PPFIA2: variants seen among roughly 807,000 people sequenced by gnomAD.
PPFIA2 encodes PPFI scaffold protein A2.
In PPFIA2, 46 loss-of-function variants were observed where a neutral mutation model predicts 175.5. The ratio of observed to expected loss-of-function variants is 0.26; its 90% CI spans 0.21 to 0.34. The LOEUF is 0.34. Ranked by LOEUF, PPFIA2 falls within the 10% of genes least tolerant of loss-of-function variation. PPFIA2 has a pLI of 1.00. For synonymous variants in PPFIA2, 568 were observed against 511.4 expected, an observed-to-expected ratio of 1.11 and a Z score of -1.49; for missense variants, 1,179 against 1,506.1, an observed-to-expected ratio of 0.78 and a Z score of 3.60.
At chr12:81,463,720 T>C (rs1369219171) in intron 4 of PPFIA2, among the ~76,000 whole-genome samples, 1 of 152,116 alleles carries the variant, frequency 6.6e-6, no homozygotes, top group Non-Finnish European at 1.5e-5. Flanking sequence ...CTGCTCTTGA[T>C]ATGTTTACAT....
intron 3 of PPFIA2, among the ~76,000 whole-genome samples, chr12:81,730,315 ATC>A (rs2153638983): frequency 6.6e-6 from 1 of 151,766 alleles, no homozygotes; most frequent in East Asian, 1.9e-4. Context: ...AAATATCTGA[ATC>A]TGGGTAATTT....
chr12:81,435,876 T>G (rs2048894769), intron 7 of PPFIA2, among the ~76,000 whole-genome samples: 1 of 152,064 alleles, frequency 6.6e-6, no homozygotes, highest in South Asian at 2.1e-4. Context: ...ACCAAGCAGA[T>G]TATCATAATA....
chr12:81,435,072 T>C (rs868226593), intron 7 of PPFIA2, among the ~76,000 whole-genome samples: 22 of 152,140 alleles, frequency 1.4e-4, no homozygotes, highest in African/African-American at 5.3e-4. Flanking sequence ...CATATAGTAG[T>C]TTTGTATTCT....
intron 5 of PPFIA2, among the ~76,000 whole-genome samples, chr12:81,448,676 T>C (rs2051804983): frequency 6.6e-6 from 1 of 152,198 alleles, no homozygotes; most frequent in Non-Finnish European, 1.5e-5. Flanking sequence ...GTTTTGCTTT[T>C]AACAGGCTAA....
At chr12:81,424,344 A>G (rs1295518013) in intron 7 of PPFIA2, among the ~76,000 whole-genome samples, 2 of 152,142 alleles carry the variant, frequency 1.3e-5, no homozygotes, top group African/African-American at 4.8e-5. Flanking sequence ...TTGCTACTTT[A>G]GCTAAAAATT....
At position 81,352,497 on chromosome 12, in the gene PPFIA2, G is replaced by A. The variant is rs569656742; in HGVS notation, c.1994+622C>T. On this transcript the variant is annotated intron_variant, in intron 17 of 32. Coordinates refer to ENST00000549396, the MANE Select transcript of PPFIA2 (RefSeq NM_003625.5). ...TGCCTGCCTCACTTTCCCTTTCCCT[G>A]GAGCCAGGAAGAGAGCCTTTACCAA... Among the ~76,000 whole-genome samples the A allele has an allele frequency of 1.7e-3, 264 of 151,596 alleles. 4 individuals carry two copies. The highest frequency in any genetic ancestry group is 0.017 in the Admixed American group (261 of 15,218).
chr12:81,323,646 T>C (rs2054154345), intron 22 of PPFIA2, among the ~76,000 whole-genome samples: 1 of 151,974 alleles, frequency 6.6e-6, no homozygotes, highest in South Asian at 2.1e-4. Context: ...TGTCAACATT[T>C]AATAATATTA....
intron 7 of PPFIA2, among the ~76,000 whole-genome samples, chr12:81,431,583 A>T (rs747688477): frequency 6.6e-6 from 1 of 152,214 alleles, no homozygotes; most frequent in Non-Finnish European, 1.5e-5. Flanking sequence ...ATTTGCCATT[A>T]CTAAAAGAAC....
intron 3 of PPFIA2, among the ~76,000 whole-genome samples, chr12:81,698,297 C>T (rs1166413523): frequency 6.6e-6 from 1 of 152,056 alleles, no homozygotes; most frequent in African/African-American, 2.4e-5. Context: ...GTTTTGTCCT[C>T]ATAAATGAAT....
rs150031226 is a variant in PPFIA2 at position 81,747,608 on chromosome 12, T to C, written c.249+6365A>G. On this transcript the variant is annotated intron_variant, in intron 3 of 32. Transcript: ENST00000549396. ...TTGAGCATGTACTACCTGTAAGGCA[T>C]GGAATTATCATTTGACATATTCCAA... 8.6e-3 allele frequency among the ~76,000 whole-genome samples: 1,245 copies of C among 144,020 alleles called. 67 individuals carry two copies. The highest frequency in any genetic ancestry group is 0.028 in the African/African-American group (1,154 of 41,134). 94.5% of individuals were successfully genotyped at this position (144,020 alleles called of 152,430 possible).
chr12:81,565,067 A>T (rs2071000573), intron 4 of PPFIA2, among the ~76,000 whole-genome samples: 1 of 152,150 alleles, frequency 6.6e-6, no homozygotes, highest in Non-Finnish European at 1.5e-5. Context: ...GGAGATACTG[A>T]GTTTATAAAC....
chr12:81,267,154 T>C (rs2037488556), intron 29 of PPFIA2, 134 bp from the exon 30 acceptor site: 3 of 687,950 alleles, frequency 4.4e-6, no homozygotes, highest in East Asian at 5.7e-5. Context: ...GCCCTCCATG[T>C]CTGTTATTAG....
intron 4 of PPFIA2, among the ~76,000 whole-genome samples, chr12:81,568,076 T>C (rs1054829414): frequency 3.9e-5 from 6 of 152,200 alleles, no homozygotes; most frequent in Non-Finnish European, 8.8e-5. Context: ...AATGAACAGA[T>C]TAAGTTGTTT....
Position 81,754,218 on chromosome 12 carries a change from T to G in PPFIA2, c.4A>C (p.Met2Leu), listed in dbSNP as rs371087102. 6.3e-7 allele frequency: 1 copy of G among 1,595,844 alleles called. No individual in the cohort carries two copies. Among genetic ancestry groups the G allele is most frequent in the Non-Finnish European group, 8.6e-7 (1 of 1,169,000 alleles). The change falls in exon 3 of 33, where the codon ATG becomes CTG. Residue 2 changes from methionine to leucine, a missense_variant. Met to Leu is a conservative substitution (Grantham distance 15). This residue lies in a region of PPFIA2 where 128 missense variants were observed against 141.4 expected (regional missense o/e 0.91). Coordinates refer to ENST00000549396, the MANE Select transcript of PPFIA2 (RefSeq NM_003625.5). M[M>L]CEVMPTINED... Reference sequence around the variant, plus strand: ...TTAATCGTGGGCATCACTTCACACATCATTGCTTAAAGAAAGTAAGTGGGA... The same window carrying G: ...TTAATCGTGGGCATCACTTCACACAGCATTGCTTAAAGAAAGTAAGTGGGA...
intron 26 of PPFIA2, 40 bp downstream of exon 26, chr12:81,282,970 T>G: frequency 1.3e-6 from 2 of 1,563,552 alleles, no homozygotes; most frequent in South Asian, 2.2e-5. Context: ...CATTGCCTAC[T>G]AAATGATATT....
At chr12:81,386,403 C>T (rs934886047) in intron 8 of PPFIA2, among the ~76,000 whole-genome samples, 4 of 151,718 alleles carry the variant, frequency 2.6e-5, no homozygotes, top group African/African-American at 7.3e-5. Context: ...GTGGGAGGAT[C>T]ACTTGAGGCC....
At chr12:81,371,873 GACAT>G in intron 11 of PPFIA2, among the ~76,000 whole-genome samples, 1 of 150,666 alleles carries the variant, frequency 6.6e-6, no homozygotes, top group East Asian at 2.0e-4. Context: ...CTTTCTAAAA[GACAT>G]AAATAAGCTT....
At chr12:81,435,165 G>C (rs1194084693) in intron 7 of PPFIA2, among the ~76,000 whole-genome samples, 19 of 152,104 alleles carry the variant, frequency 1.2e-4, no homozygotes, top group Admixed American at 1.2e-3. Context: ...TGGCATTTCT[G>C]ACCCACCAGA....
chr12:81,372,761 G>C (rs544114553), intron 11 of PPFIA2, among the ~76,000 whole-genome samples: 7 of 151,666 alleles, frequency 4.6e-5, no homozygotes, highest in Non-Finnish European at 1.0e-4. Flanking sequence ...AAAATATGTT[G>C]TTGACAAAGC....
Sources: gnomAD v4.1 joint callset for allele counts (sites outside exome capture counted in the v4.1 genomes callset) on GRCh38, gnomAD v4.1.1 for gene constraint, gnomAD v4.1.1 regional missense constraint, MANE v1.5 for transcripts, NCBI Gene and HGNC (gene_info 2026-07-23, HGNC 2026-07-21) for gene names.